The following MALRD1 variants were observed in gnomAD, a reference collection of about 807,000 sequenced individuals.
MALRD1 encodes MAM and LDL-receptor class A domain-containing protein 1.
MALRD1 carries 247 observed loss-of-function variants against 242.1 expected under a neutral mutation model. That is an observed-to-expected ratio of 1.02 (90% CI 0.92 to 1.13). MALRD1 has a LOEUF of 1.13. Among genes scored for constraint, MALRD1 ranks in the 50% most tolerant of loss-of-function variants. MALRD1 has a pLI of 0.00. For missense variants in MALRD1, 2,989 were observed against 2,533.1 expected, an observed-to-expected ratio of 1.18 and a Z score of -3.86; for synonymous variants, 995 against 866.6, an observed-to-expected ratio of 1.15 and a Z score of -2.60.
At chr10:19,457,094 A>T (rs779633190) in intron 29 of MALRD1, among the ~76,000 whole-genome samples, 1 of 152,200 alleles carries the variant, frequency 6.6e-6, no homozygotes, top group Non-Finnish European at 1.5e-5. Flanking sequence ...CAACACCATC[A>T]TATTTAATTG....
chr10:19,323,198 C>G (rs893536550), intron 21 of MALRD1, among the ~76,000 whole-genome samples: 2 of 151,900 alleles, frequency 1.3e-5, no homozygotes, highest in African/African-American at 4.8e-5. Flanking sequence ...GAATGGAAAC[C>G]CTTTGAGACT....
chr10:19,335,343 G>A (rs138771536), intron 24 of MALRD1, among the ~76,000 whole-genome samples: 122 of 151,990 alleles, frequency 8.0e-4, no homozygotes, highest in African/African-American at 2.6e-3. Context: ...TGATTTTGGC[G>A]TTGGTTGCCA....
chr10:19,597,428 G>A (rs778950654), intron 34 of MALRD1, among the ~76,000 whole-genome samples: 20 of 152,130 alleles, frequency 1.3e-4, no homozygotes, highest in Non-Finnish European at 2.8e-4. Context: ...GGGAAATAAG[G>A]CCACGTTAGA....
At chr10:19,531,680 T>C (rs1834423350) in intron 32 of MALRD1, among the ~76,000 whole-genome samples, 3 of 152,340 alleles carry the variant, frequency 2.0e-5, no homozygotes, top group Non-Finnish European at 1.5e-5. Context: ...AGAAATGTGA[T>C]GTGATGCATA....
Position 19,048,857 on chromosome 10 carries a change from A to G in MALRD1, c.-82A>G. 1 of 1,086,072 alleles carries G rather than the reference A, an allele frequency of 9.2e-7. No homozygotes were observed. Among genetic ancestry groups the G allele is most frequent in the Non-Finnish European group, 1.2e-6 (1 of 854,290 alleles). 67.3% of individuals were successfully genotyped at this position (1,086,072 alleles called of 1,614,324 possible). On this transcript the variant is annotated 5_prime_UTR_variant, in exon 1 of 40. Coordinates refer to ENST00000454679, the MANE Select transcript of MALRD1 (RefSeq NM_001142308.3). ...TTATAAGAAGCAAATCTGGGAAAGGAAGAATAGAGAAATAAAAGAATGTTT... is the reference window on the plus strand; with the variant it reads ...TTATAAGAAGCAAATCTGGGAAAGGGAGAATAGAGAAATAAAAGAATGTTT...
intron 29 of MALRD1, among the ~76,000 whole-genome samples, chr10:19,460,876 G>A (rs574087574): frequency 3.7e-4 from 56 of 152,198 alleles, no homozygotes; most frequent in Admixed American, 7.9e-4. Flanking sequence ...CACACTCTGC[G>A]CAGTCCGGGA....
intron 2 of MALRD1, among the ~76,000 whole-genome samples, chr10:19,073,484 A>G (rs1373011680): frequency 6.6e-6 from 1 of 152,120 alleles, no homozygotes; most frequent in Non-Finnish European, 1.5e-5. Context: ...GGCAAATATG[A>G]TGCCACAAAT....
intron 29 of MALRD1, among the ~76,000 whole-genome samples, chr10:19,480,382 T>G (rs1836941299): frequency 1.3e-5 from 2 of 152,068 alleles, no homozygotes; most frequent in South Asian, 4.2e-4. Context: ...CCAAGGAAAA[T>G]GAGTTGGAGT....
intron 18 of MALRD1, among the ~76,000 whole-genome samples, chr10:19,229,415 T>G (rs2131689164): frequency 6.6e-6 from 1 of 152,234 alleles, no homozygotes; most frequent in South Asian, 2.1e-4. Flanking sequence ...GTGAGTTCCA[T>G]TTCGTTAATT....
chr10:19,450,247 C>G, intron 28 of MALRD1, 60 bp from the exon 29 acceptor site: 2 of 1,420,138 alleles, frequency 1.4e-6, no homozygotes, highest in Non-Finnish European at 1.9e-6. Flanking sequence ...TTTTGCCCCA[C>G]ACTGCATCAT....
intron 24 of MALRD1, among the ~76,000 whole-genome samples, chr10:19,332,072 G>T (rs1257327268): frequency 1.3e-5 from 2 of 151,962 alleles, no homozygotes; most frequent in Non-Finnish European, 2.9e-5. Flanking sequence ...CACCATGTTG[G>T]CCAGGATGGT....
chr10:19,576,523 A>G (rs1000807484), intron 33 of MALRD1, among the ~76,000 whole-genome samples: 1 of 152,220 alleles, frequency 6.6e-6, no homozygotes, highest in Admixed American at 6.5e-5. Flanking sequence ...ATCAAAATAC[A>G]TAAATTCATA....
At chr10:19,423,651 G>C (rs887287755) in intron 28 of MALRD1, among the ~76,000 whole-genome samples, 4 of 152,102 alleles carry the variant, frequency 2.6e-5, no homozygotes. Flanking sequence ...CAAATGATGA[G>C]AGCACCCATT....
intron 36 of MALRD1, chr10:19,633,715 C>T (rs533315544): frequency 2.0e-5 from 3 of 152,188 alleles, no homozygotes; most frequent in East Asian, 1.9e-4. Context: ...CAGGAAGCTT[C>T]CCATTCAGGT....
chr10:19,176,366 C>CCTTTTTTT (rs1484132630), intron 14 of MALRD1, among the ~76,000 whole-genome samples: 2 of 87,296 alleles, frequency 2.3e-5, no homozygotes, highest in African/African-American at 8.7e-5. Context: ...TTTCTGGGTG[C>CCTTTTTTT]TTTTTTTTTT....
Position 19,187,244 on chromosome 10 carries a change from C to T in MALRD1, c.1951+11916C>T, listed in dbSNP as rs555731280. 8.6e-5 allele frequency among the ~76,000 whole-genome samples: 13 copies of T among 152,024 alleles called. 1 individual carries two copies. The East Asian group carries it at 2.5e-3, about 29-fold the overall frequency. ...CTTCCTAGCTGGGGACAGACTGACC[C>T]TTATAATGAGTGAATAAATTATGTA... On this transcript the variant is annotated intron_variant, in intron 14 of 39. Transcript: ENST00000454679.
intron 9 of MALRD1, 109 bp from the exon 10 acceptor site, chr10:19,136,465 G>A (rs1369091750): frequency 5.4e-6 from 3 of 556,954 alleles, no homozygotes; most frequent in African/African-American, 3.9e-5. Flanking sequence ...TGCCTTGGTT[G>A]CTTTAAACAC....
At chr10:19,482,367 TA>T (rs928742149) in intron 29 of MALRD1, among the ~76,000 whole-genome samples, 2 of 151,578 alleles carry the variant, frequency 1.3e-5, no homozygotes, top group African/African-American at 2.4e-5. Context: ...ATTAAAAAGC[TA>T]AAAAAAAGTC....
At chr10:19,163,137 TAAAAA>T (rs58034381) in intron 12 of MALRD1, among the ~76,000 whole-genome samples, 28 of 43,856 alleles carry the variant, frequency 6.4e-4, no homozygotes, top group Admixed American at 5.6e-3. Context: ...AAACCCTGTC[TAAAAA>T]AAAAAAAAAA....
Sources: allele counts gnomAD v4.1 joint callset (sites outside exome capture counted in the v4.1 genomes callset), GRCh38; gene constraint gnomAD v4.1.1; transcripts MANE v1.5; gene names NCBI Gene and HGNC (gene_info 2026-07-23, HGNC 2026-07-21).